SLC26A9: variants seen among roughly 807,000 people sequenced by gnomAD.
The protein encoded by SLC26A9 is anion transporter/exchanger protein 9.
In SLC26A9, 46 loss-of-function variants were observed where a neutral mutation model predicts 87.1. The ratio of observed to expected loss-of-function variants is 0.53; its 90% CI spans 0.42 to 0.67. The LOEUF (loss-of-function observed/expected upper bound fraction) is 0.67. SLC26A9 is among the 30% of genes least tolerant of loss of function. The pLI is 0.00. For synonymous variants in SLC26A9, 437 were observed against 409.1 expected (o/e 1.07, Z -0.82); for missense variants, 927 against 1,018.3 (o/e 0.91, Z 1.22).
Position 205,929,937 on chromosome 1 carries a change from G to A in SLC26A9, c.672C>T (p.Phe224=), listed in dbSNP as rs557688842. The change falls in exon 6 of 21, where the codon TTC becomes TTT. Residue 224 remains phenylalanine (F), a synonymous_variant. Transcript: ENST00000367135. ...QILISVLKYI[F]GLTIPSYTGP... Reference sequence around the variant, plus strand: ...CTGTGTAGGAGGGGATGGTCAGTCCGAAGATGTACTTGAGCACCGAAATCA... The same window carrying A: ...CTGTGTAGGAGGGGATGGTCAGTCCAAAGATGTACTTGAGCACCGAAATCA... 1.6e-5 allele frequency: 26 copies of A among 1,613,554 alleles called. No individual in the cohort carries two copies. The highest frequency in any genetic ancestry group is 1.7e-4 in the Middle Eastern group (1 of 6,060).
chr1:205,924,643 T>G, intron 12 of SLC26A9, 154 bp from the exon 13 acceptor site: 2 of 633,560 alleles, frequency 3.2e-6, no homozygotes, highest in Non-Finnish European at 5.4e-6. Flanking sequence ...CAATATTTTA[T>G]GTATTTGTGC....
At chr1:205,942,271 G>T (rs902054180) in intron 1 of SLC26A9, among the ~76,000 whole-genome samples, 4 of 152,232 alleles carry the variant, frequency 2.6e-5, no homozygotes, top group African/African-American at 9.6e-5. Flanking sequence ...TGGCAGTGGA[G>T]GTGCTCTTGG....
At position 205,928,041 on chromosome 1, in the gene SLC26A9, G is replaced by A. The variant is rs1288470760; in HGVS notation, c.962C>T (p.Thr321Ile). Reference protein sequence around the residue: ...IVGEIQRGFPTPVSPVVSQWK... With the variant: ...IVGEIQRGFPIPVSPVVSQWK... ...CTGTGAGACCACAGGCGACACCGGG[G>A]TGGGGAACCTGCCGAGGAGCCAGGA... The change falls in exon 9 of 21, where the codon ACC (threonine) becomes ATC (isoleucine). Residue 321 changes from threonine to isoleucine, a missense_variant. Transcript: ENST00000367135. 1.9e-6 allele frequency: 3 copies of A among 1,613,860 alleles called. No individual in the cohort carries two copies. The highest frequency in any genetic ancestry group is 2.2e-5 in the South Asian group (2 of 91,070).
At position 205,914,789 on chromosome 1, in the gene SLC26A9, G is replaced by C; in HGVS notation, c.*568C>G. 7.0e-7 allele frequency: 1 copy of C among 1,428,612 alleles called. No homozygotes were observed. The highest frequency in any genetic ancestry group is 9.5e-7 in the Non-Finnish European group (1 of 1,050,308). 88.5% of individuals were successfully genotyped at this position (1,428,612 alleles called of 1,614,324 possible). On this transcript the variant is annotated 3_prime_UTR_variant, in exon 21 of 21. Transcript: ENST00000367135. ...GGGGGCGCATAGTTACCAAGGCCTA[G>C]ACTCCTGGGTGTGGAGAGCACATGG...
rs760927211 is a variant in SLC26A9 at position 205,921,689 on chromosome 1, C to T, written c.1932G>A (p.Glu644=). Residue 644 remains glutamate (E), a synonymous_variant, in exon 17 of 21, where the codon GAG becomes GAA. Transcript: ENST00000367135. ...PAQSEPPASA[E]APGEPSDMLA... ...GCATGTCACTGGGCTCGCCGGGGGC[C>T]TCAGCGGAGGCTGGTGGCTCACTCT... 1.6e-4 allele frequency: 251 copies of T among 1,595,442 alleles called. No individual in the cohort carries two copies. Among genetic ancestry groups the T allele is most frequent in the Non-Finnish European group, 2.0e-4 (234 of 1,171,314 alleles).
intron 14 of SLC26A9, 51 bp downstream of exon 14, chr1:205,923,493 C>A (rs761138743): frequency 1.2e-6 from 2 of 1,613,908 alleles, no homozygotes; most frequent in Non-Finnish European, 8.5e-7. Context: ...GCAACCTCTT[C>A]TTGGGGTGGT....
intron 10 of SLC26A9, 25 bp downstream of exon 10, chr1:205,927,467 C>A (rs1279074208): frequency 5.0e-6 from 8 of 1,609,112 alleles, no homozygotes; most frequent in Non-Finnish European, 6.8e-6. Flanking sequence ...CCACCTCCCC[C>A]CAACTCCCCT....
chr1:205,929,332 G>A lies in SLC26A9; in HGVS notation c.742C>T (p.Leu248Phe). The A allele has an allele frequency of 6.2e-7, 1 of 1,614,190 alleles. No homozygotes were observed. Among genetic ancestry groups the A allele is most frequent in the Non-Finnish European group, 8.5e-7 (1 of 1,180,022 alleles). The change falls in exon 7 of 21, where the codon CTC becomes TTC. Residue 248 changes from leucine (L) to phenylalanine (F), a missense_variant. Transcript: ENST00000367135. ...VFTFIDICKN[L>F]PHTNIASLIF... ...AGCGAGGCGATGTTGGTGTGGGGGA[G>A]GTTTTTGCAAATGTCAATGAAGGTC... is the stretch of plus-strand genomic sequence containing the variant.
rs1179227143 is a variant in SLC26A9, at chr1:205,921,611, A to C, written c.2010T>G (p.Ser670Arg). 6.2e-7 allele frequency: 1 copy of C among 1,611,634 alleles called. No homozygotes were observed. Among genetic ancestry groups the C allele is most frequent in the Admixed American group, 1.7e-5 (1 of 59,892 alleles). Residue 670 changes from serine to arginine, a missense_variant, in exon 17 of 21, where the codon AGT becomes AGG. By Grantham distance (110) the Ser-to-Arg change is moderately radical. Coordinates refer to ENST00000367135, the MANE Select transcript of SLC26A9 (RefSeq NM_052934.4). ...VTFHTLILDM[S>R]GVSFVDLMGI... ...CCATCAAGTCCACGAAGCTGACTCC[A>C]CTCATGTCCAGGATGAGGGTGTGGA...
intron 12 of SLC26A9, 71 bp downstream of exon 12, chr1:205,926,464 G>C (rs1659071406): frequency 1.6e-6 from 2 of 1,258,940 alleles, no homozygotes; most frequent in South Asian, 2.4e-5. Context: ...TTAGGACAGG[G>C]CTGACAGGGC....
At position 205,914,678 on chromosome 1, in the gene SLC26A9, C is replaced by T. The variant is rs546910887; in HGVS notation, c.*679G>A. ...CCCGGGGAGGTAGCTCTGGTGGTCT[C>T]GACGGTCCTGGCCACTGTCCAGGCT... On this transcript the variant is annotated 3_prime_UTR_variant, in exon 21 of 21. Transcript: ENST00000367135. 2.3e-5 allele frequency: 13 copies of T among 562,718 alleles called. No homozygotes were observed. Among genetic ancestry groups the T allele is most frequent in the African/African-American group, 7.5e-5 (4 of 53,488 alleles). 34.9% of individuals were successfully genotyped at this position (562,718 alleles called of 1,614,324 possible). A position where few individuals can be genotyped will look rare whatever the true frequency, so the allele number is the denominator to read the frequency against.
intron 1 of SLC26A9, 134 bp from the exon 2 acceptor site, chr1:205,935,972 C>A (rs1158957480): frequency 8.9e-7 from 1 of 1,126,500 alleles, no homozygotes; most frequent in Non-Finnish European, 1.2e-6. Flanking sequence ...AAGGTGCCTC[C>A]CTTCCCTCTG....
rs1659129414 is a variant in SLC26A9, at chr1:205,927,616, G to A, written c.1102-11C>T. ...GAGAGCGATCATCTCCTGCAGGGAG[G>A]GGACAGGATTAGAAGCCAGTGTGGG... is the stretch of plus-strand genomic sequence containing the variant. On this transcript the variant is annotated splice_polypyrimidine_tract_variant and intron_variant, in intron 9 of 20. Transcript: ENST00000367135. 4 of 1,610,464 alleles carry A rather than the reference G, an allele frequency of 2.5e-6. No homozygotes were observed. The highest frequency in any genetic ancestry group is 3.4e-6 in the Non-Finnish European group (4 of 1,178,000).
intron 6 of SLC26A9, 99 bp downstream of exon 6, chr1:205,929,793 C>T (rs1659231635): frequency 7.1e-7 from 1 of 1,399,140 alleles, no homozygotes; most frequent in Non-Finnish European, 9.5e-7. Context: ...CTAAGCCAGC[C>T]CTTGCAATGA....
intron 6 of SLC26A9, among the ~76,000 whole-genome samples, 159 bp from the exon 7 acceptor site, chr1:205,929,515 C>T (rs531154328): frequency 8.1e-4 from 124 of 152,306 alleles, no homozygotes; most frequent in African/African-American, 2.5e-3. Flanking sequence ...CGTCGCCCAC[C>T]GCCCTTTCCC....
Position 205,929,314 on chromosome 1 carries a change from C to T in SLC26A9, c.760G>A (p.Ala254Thr), listed in dbSNP as rs748365651. The T allele has an allele frequency of 3.4e-5, 55 of 1,614,064 alleles. No individual in the cohort carries two copies. The highest frequency in any genetic ancestry group is 2.5e-4 in the African/African-American group (19 of 74,920). ...CTGATGAGAGCGAAGATGAGCGAGG[C>T]GATGTTGGTGTGGGGGAGGTTTTTG... is the stretch of plus-strand genomic sequence containing the variant. Reference protein sequence around the residue: ...ICKNLPHTNIASLIFALISGA... With the variant: ...ICKNLPHTNITSLIFALISGA... Residue 254 changes from alanine to threonine, a missense_variant, in exon 7 of 21, where the codon GCC becomes ACC. Physicochemically the swap from Ala to Thr is moderately conservative, Grantham distance 58. Coordinates refer to ENST00000367135, the MANE Select transcript of SLC26A9 (RefSeq NM_052934.4).
At chr1:205,934,608 C>T (rs1659435651) in intron 2 of SLC26A9, among the ~76,000 whole-genome samples, 1 of 152,200 alleles carries the variant, frequency 6.6e-6, no homozygotes, top group Non-Finnish European at 1.5e-5. Context: ...ATTGGTGCAC[C>T]TTCTCTATGC....
At chr1:205,927,854 C>T in intron 9 of SLC26A9, 48 bp downstream of exon 9, 2 of 1,592,670 alleles carry the variant, frequency 1.3e-6, no homozygotes, top group Non-Finnish European at 8.6e-7. Context: ...CATGCCAGGC[C>T]TGAGTTGACC....
In SLC26A9 at chr1:205,915,336, G is replaced by T. The variant is rs750836260; in HGVS notation, c.*21C>A. 13 of 1,613,964 alleles carry T rather than the reference G, an allele frequency of 8.1e-6. No homozygotes were observed. Among genetic ancestry groups the T allele is most frequent in the Non-Finnish European group, 1.1e-5 (13 of 1,179,974 alleles). On this transcript the variant is annotated 3_prime_UTR_variant, in exon 21 of 21. Transcript: ENST00000367135. ...CCAAGTGCCAGGCACTCTGTAGGCA[G>T]CATGAGGACTGGCTGAGCCCTCACA...
Sources: allele counts gnomAD v4.1 joint callset (sites outside exome capture counted in the v4.1 genomes callset), GRCh38; gene constraint gnomAD v4.1.1; transcripts MANE v1.5; gene names NCBI Gene and HGNC (gene_info 2026-07-23, HGNC 2026-07-21).